The following LRPPRC variants were observed in gnomAD, a reference collection of about 807,000 sequenced individuals.
The protein encoded by LRPPRC is leucine rich pentatricopeptide repeat containing.
Under a neutral mutation model 180.3 loss-of-function variants are expected in LRPPRC, and 120 were observed. The observed-to-expected ratio is 0.67, with a 90% confidence interval of 0.57 to 0.77. The LOEUF (loss-of-function observed/expected upper bound fraction) is 0.77. Among genes scored for constraint, LRPPRC ranks in the 30% least tolerant of loss-of-function variants. The pLI is 0.00. For synonymous variants in LRPPRC, 723 were observed against 600.0 expected, an observed-to-expected ratio of 1.21 and a Z score of -3.00; for missense variants, 2,012 against 1,657.2, an observed-to-expected ratio of 1.21 and a Z score of -3.72.
intron 23 of LRPPRC, among the ~76,000 whole-genome samples, chr2:43,939,698 G>T (rs1421204228): frequency 1.3e-5 from 2 of 152,166 alleles, no homozygotes; most frequent in Non-Finnish European, 2.9e-5. Flanking sequence ...AATCTTCAAG[G>T]AGACTGGTGT....
At chr2:43,962,784 T>C (rs1341756671) in intron 12 of LRPPRC, among the ~76,000 whole-genome samples, 2 of 152,014 alleles carry the variant, frequency 1.3e-5, no homozygotes, top group Admixed American at 1.3e-4. Context: ...TTATGAAAAT[T>C]TATGGGAAGT....
chr2:43,973,049 T>C (rs1157553981), intron 11 of LRPPRC, among the ~76,000 whole-genome samples: 1 of 152,236 alleles, frequency 6.6e-6, no homozygotes, highest in African/African-American at 2.4e-5. Flanking sequence ...AAGGGAAAAG[T>C]ATGATAAATG....
At chr2:43,925,472 C>T (rs914972399) in intron 26 of LRPPRC, among the ~76,000 whole-genome samples, 1 of 152,118 alleles carries the variant, frequency 6.6e-6, no homozygotes, top group African/African-American at 2.4e-5. Flanking sequence ...GTGTATCGTA[C>T]GTTAACAAAA....
At chr2:43,973,149 AG>A (rs1422420649) in intron 11 of LRPPRC, among the ~76,000 whole-genome samples, 2 of 152,314 alleles carry the variant, frequency 1.3e-5, no homozygotes, top group East Asian at 3.8e-4. Context: ...TCACAATAAA[AG>A]TTTTCCTGCC....
At chr2:43,976,288 A>T in intron 5 of LRPPRC, 59 bp from the exon 6 acceptor site, 1 of 917,152 alleles carries the variant, frequency 1.1e-6, no homozygotes, top group Non-Finnish European at 1.8e-6. Context: ...TCTTTACAAC[A>T]TGTACAGAAT....
chr2:43,912,287 A>T, intron 30 of LRPPRC, 145 bp downstream of exon 30: 1 of 693,168 alleles, frequency 1.4e-6, no homozygotes, highest in Non-Finnish European at 2.5e-6. Context: ...TGATAAAGTT[A>T]GTTAACCATT....
chr2:43,944,910 G>A (rs1350184139), intron 22 of LRPPRC, among the ~76,000 whole-genome samples: 1 of 152,004 alleles, frequency 6.6e-6, no homozygotes, highest in African/African-American at 2.4e-5. Context: ...TAAAAAGTAA[G>A]GCAAAGACTA....
intron 6 of LRPPRC, among the ~76,000 whole-genome samples, chr2:43,975,492 T>A (rs540554989): frequency 6.6e-6 from 1 of 152,316 alleles, no homozygotes; most frequent in South Asian, 2.1e-4. Flanking sequence ...GACTTAACTT[T>A]CGAGGTAAGA....
intron 12 of LRPPRC, among the ~76,000 whole-genome samples, chr2:43,963,329 A>G (rs999474940): frequency 1.3e-5 from 2 of 152,212 alleles, no homozygotes; most frequent in Admixed American, 1.3e-4. Flanking sequence ...CTGTAATCCC[A>G]GCTACTCGGG....
At position 43,974,289 on chromosome 2, in the gene LRPPRC, A is replaced by C; in HGVS notation, c.1016T>G (p.Met339Arg). Residue 339 changes from methionine to arginine, a missense_variant, in exon 9 of 38, where the codon ATG (methionine) becomes AGG (arginine). Coordinates refer to ENST00000260665, the MANE Select transcript of LRPPRC (RefSeq NM_133259.4). ...AGTGACTAAAAGTAAAATGAGGTTC[A>C]TTGCATCTGGGAAGAAAACAAAGAC... The part of the protein sequence containing the change: ...TCERRYIPDA[M>R]NLILLLVTEK... 6.2e-7 allele frequency: 1 copy of C among 1,610,882 alleles called. No homozygotes were observed. The highest frequency in any genetic ancestry group is 8.5e-7 in the Non-Finnish European group (1 of 1,177,028).
intron 12 of LRPPRC, among the ~76,000 whole-genome samples, chr2:43,961,626 C>G (rs1405463739): frequency 2.6e-5 from 4 of 152,132 alleles, no homozygotes; most frequent in Admixed American, 6.5e-5. Flanking sequence ...TTTCTGAAAA[C>G]TAATTTAAAA....
chr2:43,914,598 G>A (rs891780279), intron 29 of LRPPRC, among the ~76,000 whole-genome samples: 6 of 151,894 alleles, frequency 4.0e-5, no homozygotes, highest in Non-Finnish European at 8.8e-5. Context: ...GGTGGTGGGG[G>A]GTGCCTGTAA....
intron 11 of LRPPRC, among the ~76,000 whole-genome samples, chr2:43,969,310 G>A (rs1673699288): frequency 6.6e-6 from 1 of 151,974 alleles, no homozygotes; most frequent in South Asian, 2.1e-4. Context: ...TACTTGGGAG[G>A]CTGAGGCAGG....
Position 43,905,718 on chromosome 2 carries a change from G to A in LRPPRC, c.3338C>T (p.Thr1113Met), listed in dbSNP as rs751680548. Residue 1113 changes from threonine to methionine, a missense_variant, in exon 31 of 38, where the codon ACG becomes ATG. Transcript: ENST00000260665. ...NDAANSRLII[T>M]QVRRDYLKEA... ...TTTCAAATAATCCCGCCTAACTTGC[G>A]TTATGATGAGGCGGCTGTTGGCAGC... 36 of 1,613,704 alleles carry A rather than the reference G, an allele frequency of 2.2e-5. No individual in the cohort carries two copies. Among genetic ancestry groups the A allele is most frequent in the African/African-American group, 1.9e-4 (14 of 74,920 alleles).
intron 2 of LRPPRC, among the ~76,000 whole-genome samples, chr2:43,980,821 C>T (rs1408348091): frequency 6.6e-6 from 1 of 152,010 alleles, no homozygotes; most frequent in Admixed American, 6.6e-5. Flanking sequence ...AGAAAATACG[C>T]TAGTTGTTGC....
intron 27 of LRPPRC, among the ~76,000 whole-genome samples, chr2:43,920,641 T>C (rs1319083023): frequency 6.6e-6 from 1 of 151,384 alleles, no homozygotes; most frequent in Non-Finnish European, 1.5e-5. Flanking sequence ...TAATATAAAA[T>C]TCAAGTATTT....
At chr2:43,911,523 CTTTTTT>C (rs531172761) in intron 30 of LRPPRC, among the ~76,000 whole-genome samples, 1 of 92,372 alleles carries the variant, frequency 1.1e-5, no homozygotes, top group Non-Finnish European at 2.0e-5. Context: ...TCTTCTTCTT[CTTTTTT>C]TTTTTTTTTT....
At position 43,974,137 on chromosome 2, in the gene LRPPRC, G is replaced by A; in HGVS notation, c.1155+13C>T. On this transcript the variant is annotated intron_variant, in intron 9 of 37. Transcript: ENST00000260665. ...CAATTACATTGTCTACAAAGTAAAAGTGGACAGAATACCGTATTCATAGTC... is the reference window on the plus strand; with the variant it reads ...CAATTACATTGTCTACAAAGTAAAAATGGACAGAATACCGTATTCATAGTC... 3 of 1,611,376 alleles carry A rather than the reference G, an allele frequency of 1.9e-6. No individual in the cohort carries two copies. The highest frequency in any genetic ancestry group is 2.5e-6 in the Non-Finnish European group (3 of 1,177,518).
chr2:43,912,252 G>T (rs1671288354), intron 30 of LRPPRC, among the ~76,000 whole-genome samples, 180 bp downstream of exon 30: 2 of 150,950 alleles, frequency 1.3e-5, no homozygotes, highest in African/African-American at 4.9e-5. Context: ...CAGTAAAGGT[G>T]TTTTTTTTTG....
Sources: allele counts gnomAD v4.1 joint callset (sites outside exome capture counted in the v4.1 genomes callset), GRCh38; gene constraint gnomAD v4.1.1; transcripts MANE v1.5; gene names NCBI Gene and HGNC (gene_info 2026-07-23, HGNC 2026-07-21).